Variants in COX7C observed in about 807,000 individuals in gnomAD.
COX7C encodes cytochrome c oxidase subunit 7C, also known as cytochrome c oxidase subunit 7C, mitochondrial.
A neutral mutation model predicts 6.4 loss-of-function variants in COX7C; 1 was observed. The observed-to-expected ratio is 0.16, with a 90% confidence interval of 0.06 to 0.74. The LOEUF is 0.74. COX7C is among the 30% of genes least tolerant of loss of function. The pLI is 0.78. For missense variants in COX7C, 54 were observed against 73.7 expected (o/e 0.73, Z 0.98); for synonymous variants, 24 against 28.9 (o/e 0.83, Z 0.54).
At chr5:86,618,177 C>A in intron 1 of COX7C, 47 bp downstream of exon 1, 1 of 1,579,898 alleles carries the variant, frequency 6.3e-7, no homozygotes, top group Non-Finnish European at 8.7e-7. Context: ...GGGCGCTTGG[C>A]TGTGACTCGC....
At position 86,617,956 on chromosome 5, in the gene COX7C, G is replaced by C; in HGVS notation, c.-100G>C. 4 of 1,079,926 alleles carry C rather than the reference G, an allele frequency of 3.7e-6. No homozygotes were observed. The South Asian group carries it at 5.3e-5, about 14-fold the overall frequency. 66.9% of individuals were successfully genotyped at this position (1,079,926 alleles called of 1,614,324 possible). A position where few individuals can be genotyped will look rare whatever the true frequency, so the allele number is the denominator to read the frequency against. Reference sequence around the variant, plus strand: ...TCCCATCTTTCTTTTCAGTCCTTGCGCACCGGGGAACAAGGTCGTGAAAAA... The same window carrying C: ...TCCCATCTTTCTTTTCAGTCCTTGCCCACCGGGGAACAAGGTCGTGAAAAA... On this transcript the variant is annotated 5_prime_UTR_variant, in exon 1 of 3. Transcript: ENST00000247655.
intron 2 of COX7C, 57 bp downstream of exon 2, chr5:86,619,553 C>A: frequency 1.2e-6 from 1 of 849,750 alleles, no homozygotes; most frequent in Non-Finnish European, 2.0e-6. Flanking sequence ...GTAGCCTCTT[C>A]CCCATCACCC....
At chr5:86,618,274 C>G (rs1033200921) in intron 1 of COX7C, 144 bp downstream of exon 1, 1 of 735,188 alleles carries the variant, frequency 1.4e-6, no homozygotes, top group Non-Finnish European at 2.3e-6. Context: ...CCACTTAGCC[C>G]AAGGACCAGT....
At chr5:86,619,277 G>A (rs1284090161) in intron 1 of COX7C, 76 bp from the exon 2 acceptor site, 2 of 864,332 alleles carry the variant, frequency 2.3e-6, no homozygotes, top group Non-Finnish European at 3.9e-6. Context: ...AGCATTTCCT[G>A]TATACTTGTA....
intron 1 of COX7C, 38 bp downstream of exon 1, chr5:86,618,168 G>A (rs181902587): frequency 1.4e-4 from 227 of 1,602,972 alleles, no homozygotes; most frequent in Non-Finnish European, 1.9e-4. Context: ...TGGGGGAGGG[G>A]GCGCTTGGCT....
At chr5:86,619,846 G>C (rs543920798) in intron 2 of COX7C, 1 of 173,470 alleles carries the variant, frequency 5.8e-6, no homozygotes, top group South Asian at 1.5e-4. Context: ...TGCCCAGGCA[G>C]TTTCTTGTTG....
rs769130001 is a variant in COX7C at position 86,618,016 on chromosome 5, C to T, written c.-40C>T. On this transcript the variant is annotated 5_prime_UTR_variant, in exon 1 of 3. Coordinates refer to ENST00000247655, the MANE Select transcript of COX7C (RefSeq NM_001867.3). ...GGTGAGGTGCCGCCATTTCATCTGT[C>T]CTCATTCTCTGCGCCTTTCGCAGAG... 3.3e-5 allele frequency: 53 copies of T among 1,603,526 alleles called. No homozygotes were observed. Among genetic ancestry groups the T allele is most frequent in the Middle Eastern group, 2.1e-4 (1 of 4,840 alleles).
rs762652236 is a variant in COX7C at position 86,619,384 on chromosome 5, C to T, written c.107C>T (p.Ser36Leu). 2.3e-5 allele frequency: 37 copies of T among 1,612,900 alleles called. No homozygotes were observed. The highest frequency in any genetic ancestry group is 3.0e-5 in the Non-Finnish European group (35 of 1,179,722). Residue 36 changes from serine (S) to leucine (L), a missense_variant, in exon 2 of 3, where the codon TCG (serine) becomes TTG (leucine). By Grantham distance (145) the Ser-to-Leu change is moderately radical (BLOSUM62 -2). Transcript: ENST00000247655. ...NLPFSVENKW[S>L]LLAKMCLYFG... is the part of the protein sequence containing the mutation. ...CCATTTTCAGTGGAAAACAAGTGGT[C>T]GTTACTAGCTAAGATGTGTTTGTAC...
At position 86,617,963 on chromosome 5, in the gene COX7C, G is replaced by A; in HGVS notation, c.-93G>A. ...TTTCTTTTCAGTCCTTGCGCACCGG[G>A]GAACAAGGTCGTGAAAAAAAAGGTC... On this transcript the variant is annotated 5_prime_UTR_variant, in exon 1 of 3. Coordinates refer to ENST00000247655, the MANE Select transcript of COX7C (RefSeq NM_001867.3). 1 of 1,170,612 alleles carries A rather than the reference G, an allele frequency of 8.5e-7. No individual in the cohort carries two copies. Among genetic ancestry groups the A allele is most frequent in the Non-Finnish European group, 1.3e-6 (1 of 794,420 alleles). The allele number at this position is 1,170,612 out of a possible 1,614,324, so 72.5% of individuals were successfully genotyped here. A position where few individuals can be genotyped will look rare whatever the true frequency, so the allele number is the denominator to read the frequency against.
At chr5:86,618,366 A>C in intron 1 of COX7C, 2 of 491,272 alleles carry the variant, frequency 4.1e-6, no homozygotes, top group South Asian at 2.3e-5. Flanking sequence ...CAGCCACCTG[A>C]CGCCCCCTCC....
chr5:86,618,352 C>T (rs559783063), intron 1 of COX7C: 2 of 519,856 alleles, frequency 3.8e-6, no homozygotes, highest in Admixed American at 3.3e-5. Flanking sequence ...AGCCCTGCCT[C>T]CATCAGCCAC....
intron 1 of COX7C, 42 bp downstream of exon 1, chr5:86,618,172 C>T (rs755230954): frequency 6.3e-7 from 1 of 1,594,706 alleles, no homozygotes; most frequent in Non-Finnish European, 8.6e-7. Flanking sequence ...GGAGGGGGCG[C>T]TTGGCTGTGA....
In COX7C at chr5:86,619,493, A is replaced by G; in HGVS notation, c.*24A>G. On this transcript the variant is annotated 3_prime_UTR_variant, in exon 2 of 3. Transcript: ENST00000247655. ...AAGGATGTTTCAGTTCCTCCATTTAACAGGTAGTTAGTGGATTTCTAATCA... is the reference window on the plus strand; with the variant it reads ...AAGGATGTTTCAGTTCCTCCATTTAGCAGGTAGTTAGTGGATTTCTAATCA... 1 of 1,442,536 alleles carries G rather than the reference A, an allele frequency of 6.9e-7. No homozygotes were observed. Among genetic ancestry groups the G allele is most frequent in the Non-Finnish European group, 9.8e-7 (1 of 1,023,746 alleles). The allele number at this position is 1,442,536 out of a possible 1,614,324, so 89.4% of individuals were successfully genotyped here. A position where few individuals can be genotyped will look rare whatever the true frequency, so the allele number is the denominator to read the frequency against.
intron 1 of COX7C, 68 bp from the exon 2 acceptor site, chr5:86,619,285 G>T: frequency 1.1e-6 from 1 of 930,470 alleles, no homozygotes; most frequent in Non-Finnish European, 1.8e-6. Flanking sequence ...CTGTATACTT[G>T]TATTTTGATT....
chr5:86,618,312 C>G (rs1222555016), intron 1 of COX7C, 182 bp downstream of exon 1: 7 of 608,384 alleles, frequency 1.2e-5, no homozygotes, highest in African/African-American at 1.1e-4. Context: ...TAGCGCGTAG[C>G]CGCTAAAGGA....
At chr5:86,620,642 C>T in intron 2 of COX7C, 26 bp from the exon 3 acceptor site, 2 of 434,246 alleles carry the variant, frequency 4.6e-6, no homozygotes, top group Non-Finnish European at 4.7e-6. Context: ...TTTAAAATGC[C>T]ATTAATTTCT....
chr5:86,619,269 C>T, intron 1 of COX7C, 84 bp from the exon 2 acceptor site: 1 of 809,992 alleles, frequency 1.2e-6, no homozygotes, highest in South Asian at 1.4e-5. Context: ...ATATAACTAG[C>T]ATTTCCTGTA....
At position 86,620,809 on chromosome 5, in the gene COX7C, C is replaced by A; in HGVS notation, c.*169C>A. The A allele has an allele frequency of 4.2e-6, 1 of 240,360 alleles. No homozygotes were observed. Among genetic ancestry groups the A allele is most frequent in the South Asian group, 4.3e-5 (1 of 23,026 alleles). 14.9% of individuals were successfully genotyped at this position (240,360 alleles called of 1,614,324 possible). On this transcript the variant is annotated 3_prime_UTR_variant, in exon 3 of 3. Transcript: ENST00000247655. ...TTGAAATAGGGAATGTAATAATTGG[C>A]CATTTGCCTACTTTATTATTTGGGT...
At chr5:86,618,486 C>G (rs950783200) in intron 1 of COX7C, among the ~76,000 whole-genome samples, 1 of 152,172 alleles carries the variant, frequency 6.6e-6, no homozygotes, top group African/African-American at 2.4e-5. Context: ...ATTGGAAAAT[C>G]ATGAGGAAAT....
Sources: gnomAD v4.1 joint callset for allele counts (sites outside exome capture counted in the v4.1 genomes callset) on GRCh38, gnomAD v4.1.1 for gene constraint, MANE v1.5 for transcripts, NCBI Gene and HGNC (gene_info 2026-07-23, HGNC 2026-07-21) for gene names.